RALGPS1: variants seen among roughly 807,000 people sequenced by gnomAD.
RALGPS1 encodes the protein Ral GEF with PH domain and SH3 binding motif 1, also known as ras-specific guanine nucleotide-releasing factor RalGPS1.
RALGPS1 carries 19 observed loss-of-function variants against 78.8 expected under a neutral mutation model. The ratio of observed to expected loss-of-function variants is 0.24; its 90% CI spans 0.17 to 0.35. RALGPS1 has a LOEUF of 0.35. Ranked by LOEUF, RALGPS1 falls within the 10% of genes least tolerant of loss-of-function variation. RALGPS1 has a pLI of 1.00. For synonymous variants in RALGPS1, 228 were observed against 256.3 expected (o/e 0.89, Z 1.06); for missense variants, 454 against 688.3 (o/e 0.66, Z 3.81).
At chr9:127,126,805 T>A (rs1287147061) in intron 8 of RALGPS1, among the ~76,000 whole-genome samples, 1 of 152,266 alleles carries the variant, frequency 6.6e-6, no homozygotes, top group Non-Finnish European at 1.5e-5. Flanking sequence ...TTAAAAATCC[T>A]TGCCTACTAA....
intron 4 of RALGPS1, 68 bp downstream of exon 4, chr9:126,977,813 T>G (rs765347702): frequency 2.6e-6 from 3 of 1,152,380 alleles, no homozygotes; most frequent in Non-Finnish European, 3.8e-6. Flanking sequence ...AGCCAGCCAC[T>G]GTTAGAGTGT....
At chr9:127,165,226 GC>G (rs1393794158) in intron 8 of RALGPS1, among the ~76,000 whole-genome samples, 1 of 152,254 alleles carries the variant, frequency 6.6e-6, no homozygotes, top group Non-Finnish European at 1.5e-5. Flanking sequence ...CTCCTGGAGG[GC>G]AGCTGAAAGG....
intron 7 of RALGPS1, among the ~76,000 whole-genome samples, chr9:127,065,805 T>C (rs2049637861): frequency 6.6e-6 from 1 of 152,230 alleles, no homozygotes; most frequent in Admixed American, 6.5e-5. Flanking sequence ...GGATCCACAA[T>C]TTCCTGTTTC....
chr9:127,032,481 C>T (rs1564451797), intron 4 of RALGPS1, among the ~76,000 whole-genome samples: 1 of 152,180 alleles, frequency 6.6e-6, no homozygotes, highest in Admixed American at 6.5e-5. Flanking sequence ...TGCCTCAGTC[C>T]TGAAACATCA....
chr9:127,085,087 T>G (rs2051568196), intron 8 of RALGPS1, among the ~76,000 whole-genome samples: 1 of 152,168 alleles, frequency 6.6e-6, no homozygotes, highest in Non-Finnish European at 1.5e-5. Context: ...TCAGTCTTGC[T>G]CAAATTGGCA....
At chr9:126,916,524 T>C (rs991448172) in intron 1 of RALGPS1, among the ~76,000 whole-genome samples, 2 of 152,302 alleles carry the variant, frequency 1.3e-5, no homozygotes, top group Middle Eastern at 3.4e-3. Flanking sequence ...CTCACGCTTG[T>C]AATCCCAGCA....
chr9:127,092,981 A>C (rs2052662522), intron 8 of RALGPS1, among the ~76,000 whole-genome samples: 1 of 152,090 alleles, frequency 6.6e-6, no homozygotes, highest in African/African-American at 2.4e-5. Context: ...TGGCTTTGCA[A>C]CCCTGAGCAA....
chr9:127,017,912 C>T (rs1321193135), intron 4 of RALGPS1, among the ~76,000 whole-genome samples: 3 of 152,136 alleles, frequency 2.0e-5, no homozygotes, highest in South Asian at 4.1e-4. Context: ...GAGCTGTCAT[C>T]TCCTATAATA....
intron 1 of RALGPS1, among the ~76,000 whole-genome samples, chr9:126,944,300 A>T (rs528064493): frequency 6.6e-6 from 1 of 152,148 alleles, no homozygotes; most frequent in Non-Finnish European, 1.5e-5. Context: ...ACACTAATGG[A>T]TGTGGTCCTA....
At chr9:127,210,047 C>T (rs974169325) in intron 14 of RALGPS1, among the ~76,000 whole-genome samples, 23 of 152,224 alleles carry the variant, frequency 1.5e-4, no homozygotes, top group East Asian at 5.8e-4. Flanking sequence ...TGCCTCCCCG[C>T]GAAGAGGCTG....
Position 127,112,276 on chromosome 9 carries a change from A to G in RALGPS1, c.610+42920A>G, listed in dbSNP as rs542881719. ...TTTGGAAGTGTTTGCCTCGTTTCCA[A>G]CGGTGCTTTGGCTGCCCCTGTGCTA... On this transcript the variant is annotated intron_variant, in intron 8 of 18. Coordinates refer to ENST00000259351, the MANE Select transcript of RALGPS1 (RefSeq NM_014636.3). Among the ~76,000 whole-genome samples, 9 of 152,294 alleles carry G rather than the reference A, an allele frequency of 5.9e-5. No individual in the cohort carries two copies. In the South Asian group the frequency reaches 1.2e-3, roughly 21 times the overall value.
chr9:127,054,642 G>A (rs1192508320), intron 7 of RALGPS1, among the ~76,000 whole-genome samples: 1 of 152,250 alleles, frequency 6.6e-6, no homozygotes, highest in East Asian at 1.9e-4. Flanking sequence ...ACTCAAGGTG[G>A]CTGGGTCTTC....
intron 11 of RALGPS1, among the ~76,000 whole-genome samples, chr9:127,177,252 G>A (rs1471995370): frequency 6.6e-6 from 1 of 152,100 alleles, no homozygotes; most frequent in East Asian, 1.9e-4. Context: ...TGGGCCCCTG[G>A]TATACACTAG....
chr9:127,171,857 A>AACTCTGACACTGTTATGAAACTCTGAC (rs1299127353), intron 10 of RALGPS1, among the ~76,000 whole-genome samples: 1 of 152,238 alleles, frequency 6.6e-6, no homozygotes, highest in Admixed American at 6.5e-5. Flanking sequence ...AGTGTCAGCC[A>AACTCTGACACTGTTATGAAACTCTGAC]ACTCTGGTTA....
chr9:127,044,552 G>A (rs757397873), intron 5 of RALGPS1, among the ~76,000 whole-genome samples: 5 of 152,074 alleles, frequency 3.3e-5, no homozygotes, highest in Non-Finnish European at 5.9e-5. Context: ...CACAGTGCCC[G>A]GCCCGAATCT....
chr9:127,078,760 T>G (rs924790734), intron 8 of RALGPS1, among the ~76,000 whole-genome samples: 1 of 152,294 alleles, frequency 6.6e-6, no homozygotes, highest in South Asian at 2.1e-4. Flanking sequence ...CAAGAAAAAG[T>G]GTTTTCATGG....
chr9:126,995,483 A>C (rs983609991), intron 4 of RALGPS1, among the ~76,000 whole-genome samples: 16 of 152,248 alleles, frequency 1.1e-4, no homozygotes, highest in African/African-American at 3.6e-4. Context: ...AGAGCTAACT[A>C]TCCTAAATAT....
chr9:126,931,182 C>T (rs1037021566), intron 1 of RALGPS1, among the ~76,000 whole-genome samples: 3 of 152,166 alleles, frequency 2.0e-5, no homozygotes, highest in Admixed American at 6.5e-5. Context: ...AAATTCGGCA[C>T]GATACCGCTT....
chr9:127,012,309 A>T (rs2044419030), intron 4 of RALGPS1, among the ~76,000 whole-genome samples: 1 of 152,178 alleles, frequency 6.6e-6, no homozygotes, highest in South Asian at 2.1e-4. Flanking sequence ...GGGAAAGCTT[A>T]AAAAGTTTAA....
Sources: allele counts gnomAD v4.1 joint callset (sites outside exome capture counted in the v4.1 genomes callset), GRCh38; gene constraint gnomAD v4.1.1; transcripts MANE v1.5; gene names NCBI Gene and HGNC (gene_info 2026-07-23, HGNC 2026-07-21).